NCAM1: variants seen among roughly 807,000 people sequenced by gnomAD.
The protein encoded by NCAM1 is antigen recognized by monoclonal antibody 5.1H11.
NCAM1 carries 14 observed loss-of-function variants against 109.8 expected under a neutral mutation model. That is an observed-to-expected ratio of 0.13 (90% CI 0.08 to 0.20). The LOEUF is 0.20. Among genes scored for constraint, NCAM1 ranks in the 10% least tolerant of loss-of-function variants. The pLI, the probability that NCAM1 is intolerant of heterozygous loss-of-function variation, is 1.00. For synonymous variants in NCAM1, 418 were observed against 442.9 expected, an observed-to-expected ratio of 0.94 and a Z score of 0.70; for missense variants, 774 against 1,109.9, an observed-to-expected ratio of 0.70 and a Z score of 4.30.
At chr11:113,218,823 C>T (rs982594526) in intron 8 of NCAM1, among the ~76,000 whole-genome samples, 1 of 152,154 alleles carries the variant, frequency 6.6e-6, no homozygotes, top group Non-Finnish European at 1.5e-5. Flanking sequence ...ATTACATTGA[C>T]CAAAAAAATT....
chr11:113,176,112 G>A (rs1027068537), intron 1 of NCAM1, among the ~76,000 whole-genome samples: 2 of 152,202 alleles, frequency 1.3e-5, no homozygotes, highest in Non-Finnish European at 2.9e-5. Context: ...TAGGGGAACA[G>A]GGTTTAATCA....
At chr11:113,151,880 G>T (rs1233768127) in intron 1 of NCAM1, among the ~76,000 whole-genome samples, 1 of 152,206 alleles carries the variant, frequency 6.6e-6, no homozygotes, top group Non-Finnish European at 1.5e-5. Flanking sequence ...ACTTGGGAAG[G>T]ATGGAAAATG....
At chr11:113,004,416 C>T (rs551128160) in intron 1 of NCAM1, among the ~76,000 whole-genome samples, 5 of 151,978 alleles carry the variant, frequency 3.3e-5, no homozygotes, top group South Asian at 2.1e-4. Context: ...TGCTTGAACC[C>T]GGGAGGCGGA....
chr11:113,090,009 G>A (rs1273658037), intron 1 of NCAM1, among the ~76,000 whole-genome samples: 8 of 152,162 alleles, frequency 5.3e-5, no homozygotes, highest in African/African-American at 1.4e-4. Context: ...ATAGATTGAC[G>A]AAAAGAGTAT....
At chr11:113,029,494 C>A (rs943939575) in intron 1 of NCAM1, among the ~76,000 whole-genome samples, 3 of 152,030 alleles carry the variant, frequency 2.0e-5, no homozygotes, top group Non-Finnish European at 4.4e-5. Context: ...TACTTTTGTG[C>A]AATATGAAGG....
At chr11:113,252,799 CTTTTTTTT>C (rs33948720) in intron 15 of NCAM1, among the ~76,000 whole-genome samples, 30 of 39,714 alleles carry the variant, frequency 7.6e-4, no homozygotes, top group African/African-American at 2.7e-3. Flanking sequence ...CTATGCCCAG[CTTTTTTTT>C]TTTTTTTTTT....
rs1953789270 is a variant in NCAM1, at chr11:113,058,330, T to A, written c.52+96666T>A. 2.0e-5 allele frequency among the ~76,000 whole-genome samples: 3 copies of A among 152,224 alleles called. No homozygotes were observed. In the South Asian group the frequency reaches 6.2e-4, roughly 32 times the overall value. On this transcript the variant is annotated intron_variant, in intron 1 of 19. Coordinates refer to ENST00000316851, the MANE Select transcript of NCAM1 (RefSeq NM_181351.5). ...AAAGACATGGATGTGGAGAGATTGTTCTATAAAATATAAAGGAGAAGGGTG... is the reference window on the plus strand; with the variant it reads ...AAAGACATGGATGTGGAGAGATTGTACTATAAAATATAAAGGAGAAGGGTG...
At chr11:113,030,128 C>T (rs781998808) in intron 1 of NCAM1, among the ~76,000 whole-genome samples, 3 of 152,174 alleles carry the variant, frequency 2.0e-5, no homozygotes, top group African/African-American at 7.2e-5. Flanking sequence ...TCTGCATCTT[C>T]GTTTCTGACA....
chr11:113,070,963 A>AGCATG (rs1938235315), intron 1 of NCAM1, among the ~76,000 whole-genome samples: 1 of 152,204 alleles, frequency 6.6e-6, no homozygotes, highest in Non-Finnish European at 1.5e-5. Context: ...TTTCTTCTGC[A>AGCATG]GCATGTGGCA....
chr11:113,231,107 C>T (rs1944992355), intron 9 of NCAM1: 1 of 1,283,642 alleles, frequency 7.8e-7, no homozygotes, highest in South Asian at 1.3e-5. Context: ...GATTATTTCA[C>T]TTTTAAACAT....
intron 1 of NCAM1, among the ~76,000 whole-genome samples, chr11:113,103,144 CAGTG>C (rs1939949733): frequency 6.6e-6 from 1 of 152,304 alleles, no homozygotes; most frequent in Non-Finnish European, 1.5e-5. Context: ...TGGCTGTTGT[CAGTG>C]AGCTTGCTGG....
At chr11:113,275,211 G>A in intron 19 of NCAM1, 56 bp from the exon 20 acceptor site, 1 of 1,605,694 alleles carries the variant, frequency 6.2e-7, no homozygotes, top group East Asian at 2.2e-5. Flanking sequence ...TGGATGCAGG[G>A]GCGAGATGTC....
At chr11:113,166,218 G>A (rs1555105258) in intron 1 of NCAM1, among the ~76,000 whole-genome samples, 4 of 152,268 alleles carry the variant, frequency 2.6e-5, no homozygotes, top group Non-Finnish European at 2.9e-5. Context: ...TAGCAAAAAG[G>A]CAACAGCAGG....
chr11:113,160,509 T>A (rs1209753222), intron 1 of NCAM1, among the ~76,000 whole-genome samples: 1 of 152,116 alleles, frequency 6.6e-6, no homozygotes, highest in Non-Finnish European at 1.5e-5. Context: ...TATGAAAGAA[T>A]CAGACACAAC....
intron 1 of NCAM1, among the ~76,000 whole-genome samples, chr11:113,074,661 T>C (rs1016008988): frequency 6.6e-6 from 1 of 152,226 alleles, no homozygotes; most frequent in Non-Finnish European, 1.5e-5. Context: ...AGATGGAGTC[T>C]CACTCTATCA....
rs782503054 is a variant in NCAM1 at position 113,270,370 on chromosome 11, A to G, written c.2314A>G (p.Met772Val). The G allele has an allele frequency of 7.4e-6, 12 of 1,613,886 alleles. No homozygotes were observed. Among genetic ancestry groups the G allele is most frequent in the African/African-American group, 1.3e-5 (1 of 74,926 alleles). Reference protein sequence around the residue: ...KAGPGAKGKDMEEGKAAFSKD... With the variant: ...KAGPGAKGKDVEEGKAAFSKD... ...CGGGCCCGGGGCCAAGGGCAAGGAC[A>G]TGGAGGAGGGCAAGGCCGCCTTCTC... Residue 772 changes from methionine to valine, a missense_variant, in exon 18 of 20, where the codon ATG becomes GTG. Around this residue, in one of 4 missense-constraint regions of NCAM1, gnomAD observed 122 missense variants for 129.7 expected, o/e 0.94. Coordinates refer to ENST00000316851, the MANE Select transcript of NCAM1 (RefSeq NM_181351.5).
At chr11:113,141,016 T>A (rs1941799634) in intron 1 of NCAM1, among the ~76,000 whole-genome samples, 1 of 152,232 alleles carries the variant, frequency 6.6e-6, no homozygotes, top group Non-Finnish European at 1.5e-5. Context: ...TATCTTCCTG[T>A]TGTTCACTTA....
chr11:113,192,861 T>C (rs1555110123), intron 1 of NCAM1, among the ~76,000 whole-genome samples: 1 of 152,172 alleles, frequency 6.6e-6, no homozygotes, highest in Non-Finnish European at 1.5e-5. Flanking sequence ...ACCTCCTTTG[T>C]TAGTAAATGG....
intron 1 of NCAM1, among the ~76,000 whole-genome samples, chr11:113,104,033 G>T (rs928104917): frequency 6.6e-6 from 1 of 151,946 alleles, no homozygotes; most frequent in Non-Finnish European, 1.5e-5. Context: ...TGGATGCGTC[G>T]TTTCTGCTGT....
Sources: gnomAD v4.1 joint callset for allele counts (sites outside exome capture counted in the v4.1 genomes callset) on GRCh38, gnomAD v4.1.1 for gene constraint, gnomAD v4.1.1 regional missense constraint, MANE v1.5 for transcripts, NCBI Gene and HGNC (gene_info 2026-07-23, HGNC 2026-07-21) for gene names.